DARS1: variants seen among roughly 807,000 people sequenced by gnomAD.
DARS1 encodes the protein aspartate--tRNA ligase, cytoplasmic.
A neutral mutation model predicts 68.8 loss-of-function variants in DARS1; 51 were observed. The observed-to-expected ratio is 0.74, with a 90% CI of 0.59 to 0.94. The LOEUF is 0.94. Among genes scored for constraint, DARS1 ranks in the 40% least tolerant of loss-of-function variants. The probability of loss-of-function intolerance (pLI) is 0.00; values close to 1 mark genes in which losing one functional copy is unlikely to be tolerated. For missense variants in DARS1, 607 were observed against 597.3 expected (o/e 1.02, Z -0.17); for synonymous variants, 203 against 190.4 (o/e 1.07, Z -0.55).
At position 135,962,925 on chromosome 2, in the gene DARS1, A is replaced by G. The variant is rs1478947064; in HGVS notation, c.218-1427T>C. On this transcript the variant is annotated intron_variant, in intron 3 of 15. Coordinates refer to ENST00000264161, the MANE Select transcript of DARS1 (RefSeq NM_001349.4). ...TACTGTGAAATGGAAGGTAATGTGC[A>G]CACGACAGTGCTAGGCTAAGCCATA... Among the ~76,000 whole-genome samples, 4 of 152,244 alleles carry G rather than the reference A, an allele frequency of 2.6e-5. No homozygotes were observed. In the South Asian group the frequency reaches 8.3e-4, roughly 32 times the overall value.
intron 7 of DARS1, among the ~76,000 whole-genome samples, chr2:135,927,061 C>G (rs570958344): frequency 6.6e-6 from 1 of 152,266 alleles, no homozygotes; most frequent in Non-Finnish European, 1.5e-5. Context: ...GACACTCTTG[C>G]GTAGAACACA....
chr2:135,956,851 T>A (rs897143392), intron 4 of DARS1, among the ~76,000 whole-genome samples: 2 of 151,272 alleles, frequency 1.3e-5, no homozygotes, highest in Non-Finnish European at 3.0e-5. Flanking sequence ...GCAACCTCCA[T>A]CCCCCAGATT....
chr2:135,914,016 A>G (rs2104794824), intron 12 of DARS1, among the ~76,000 whole-genome samples: 1 of 152,336 alleles, frequency 6.6e-6, no homozygotes, highest in South Asian at 2.1e-4. Flanking sequence ...AAAAGATCAT[A>G]CTAAGTTTAG....
At chr2:135,983,341 G>C in intron 2 of DARS1, 56 bp downstream of exon 2, 1 of 788,354 alleles carries the variant, frequency 1.3e-6, no homozygotes, top group Non-Finnish European at 2.2e-6. Context: ...TTCATTTAGA[G>C]CTTTCCTGGA....
chr2:135,923,058 C>A, intron 8 of DARS1, 140 bp from the exon 9 acceptor site: 1 of 952,738 alleles, frequency 1.0e-6, no homozygotes. Context: ...AAATCACAGT[C>A]TATATACATC....
At chr2:135,964,159 C>A (rs1159417127) in intron 3 of DARS1, among the ~76,000 whole-genome samples, 1 of 152,002 alleles carries the variant, frequency 6.6e-6, no homozygotes, top group Non-Finnish European at 1.5e-5. Context: ...GTGATAAAAC[C>A]ATATGTAACG....
intron 3 of DARS1, among the ~76,000 whole-genome samples, chr2:135,968,952 C>T (rs374957259): frequency 3.3e-5 from 5 of 152,042 alleles, no homozygotes; most frequent in East Asian, 3.9e-4. Context: ...TGTGAGCCAC[C>T]GTGCCTGACC....
At chr2:135,918,109 TG>T (rs1181928371) in intron 10 of DARS1, among the ~76,000 whole-genome samples, 2 of 151,992 alleles carry the variant, frequency 1.3e-5, no homozygotes, top group East Asian at 1.9e-4. Context: ...TTAGTAGAGA[TG>T]GGGTTTCACC....
intron 4 of DARS1, among the ~76,000 whole-genome samples, chr2:135,958,320 C>T (rs183174942): frequency 1.0e-3 from 152 of 152,306 alleles, no homozygotes; most frequent in African/African-American, 1.9e-3. Flanking sequence ...TAGTGATCTG[C>T]TGCCTAAACA....
chr2:135,914,241 G>GA (rs1680956937), intron 12 of DARS1, among the ~76,000 whole-genome samples: 1 of 152,098 alleles, frequency 6.6e-6, no homozygotes, highest in Non-Finnish European at 1.5e-5. Context: ...GAACAACTTC[G>GA]TAAAAATATT....
At chr2:135,916,420 C>T (rs772411167) in intron 10 of DARS1, 48 bp from the exon 11 acceptor site, 4 of 1,173,936 alleles carry the variant, frequency 3.4e-6, no homozygotes, top group Non-Finnish European at 5.1e-6. Flanking sequence ...ATAAATGTTT[C>T]CCCCACAAGA....
At chr2:135,976,383 AAC>A (rs1182944722) in intron 3 of DARS1, among the ~76,000 whole-genome samples, 6 of 152,284 alleles carry the variant, frequency 3.9e-5, no homozygotes, top group African/African-American at 1.2e-4. Flanking sequence ...GAGATAGAAT[AAC>A]AGTTAATATA....
chr2:135,947,438 A>G (rs529680807), intron 4 of DARS1, among the ~76,000 whole-genome samples: 1 of 151,914 alleles, frequency 6.6e-6, no homozygotes, highest in South Asian at 2.1e-4. Flanking sequence ...GAAAGAAAAA[A>G]GAGAAAAAAG....
At chr2:135,908,391 T>A (rs1256079497) in intron 15 of DARS1, among the ~76,000 whole-genome samples, 1 of 152,154 alleles carries the variant, frequency 6.6e-6, no homozygotes, top group Non-Finnish European at 1.5e-5. Flanking sequence ...CTGCCATTCA[T>A]CTCTATAACT....
rs992435404 is a variant in DARS1, at chr2:135,907,242, C to CTTTTTTTTTTTTTTTTTTTTTTTTTTTT, written c.*73_*74insAAAAAAAAAAAAAAAAAAAAAAAAAAAA. On this transcript the variant is annotated 3_prime_UTR_variant, in exon 16 of 16. Transcript: ENST00000264161. ...TACTGAAAAGAATAAGTGTGGCTTT[C>CTTTTTTTTTTTTTTTTTTTTTTTTTTTT]TTTTTTTTTTTTTTTTTTTGAGGCA... 8 of 453,720 alleles carry CTTTTTTTTTTTTTTTTTTTTTTTTTTTT rather than the reference C, an allele frequency of 1.8e-5. No homozygotes were observed. The highest frequency in any genetic ancestry group is 1.7e-4 in the African/African-American group (6 of 35,354). 28.1% of individuals were successfully genotyped at this position (453,720 alleles called of 1,614,324 possible). A position where few individuals can be genotyped will look rare whatever the true frequency, so the allele number is the denominator to read the frequency against.
chr2:135,923,268 T>A (rs1681143677), intron 8 of DARS1, among the ~76,000 whole-genome samples: 2 of 152,244 alleles, frequency 1.3e-5, no homozygotes, highest in South Asian at 4.1e-4. Flanking sequence ...TAAAAAAATT[T>A]CCCCAGGAGC....
intron 15 of DARS1, chr2:135,910,765 A>G (rs1269697119): frequency 6.4e-6 from 1 of 156,614 alleles, no homozygotes; most frequent in African/African-American, 2.4e-5. Context: ...ATTGCAGAGC[A>G]GTCCCTTACA....
At chr2:135,917,957 T>C (rs1238461972) in intron 10 of DARS1, among the ~76,000 whole-genome samples, 1 of 152,190 alleles carries the variant, frequency 6.6e-6, no homozygotes, top group East Asian at 1.9e-4. Context: ...TCTTGCTCTG[T>C]TGCCCAGGCT....
intron 9 of DARS1, among the ~76,000 whole-genome samples, chr2:135,921,066 C>T (rs1681101805): frequency 6.7e-6 from 1 of 149,966 alleles, no homozygotes. Context: ...GAAGACTGGA[C>T]AGGAGGAAAA....
Sources: gnomAD v4.1 joint callset for allele counts (sites outside exome capture counted in the v4.1 genomes callset) on GRCh38, gnomAD v4.1.1 for gene constraint, MANE v1.5 for transcripts, NCBI Gene and HGNC (gene_info 2026-07-23, HGNC 2026-07-21) for gene names.